The following MAPK10 variants were observed in gnomAD, a reference collection of about 807,000 sequenced individuals.
MAPK10 encodes JNK3 alpha protein kinase.
In MAPK10, 25 loss-of-function variants were observed where a neutral mutation model predicts 59.3. The observed-to-expected ratio is 0.42, with a 90% confidence interval of 0.31 to 0.59. The LOEUF (loss-of-function observed/expected upper bound fraction) is 0.59. Among genes scored for constraint, MAPK10 ranks in the 20% least tolerant of loss-of-function variants. The pLI is 0.15. For missense variants in MAPK10, 351 were observed against 568.9 expected (o/e 0.62, Z 3.90); for synonymous variants, 190 against 200.5 (o/e 0.95, Z 0.44).
chr4:86,390,253 A>G (rs1742023168), intron 1 of MAPK10, among the ~76,000 whole-genome samples: 1 of 152,232 alleles, frequency 6.6e-6, no homozygotes, highest in Non-Finnish European at 1.5e-5. Flanking sequence ...ATTCAATGGT[A>G]GAAAAGGAAG....
At chr4:86,400,445 CTCTCTT>C (rs1743554072) in intron 1 of MAPK10, among the ~76,000 whole-genome samples, 1 of 152,096 alleles carries the variant, frequency 6.6e-6, no homozygotes, top group African/African-American at 2.4e-5. Flanking sequence ...CTCCCTCTCT[CTCTCTT>C]TCTCTCTCTC....
intron 2 of MAPK10, among the ~76,000 whole-genome samples, chr4:86,283,588 A>C (rs2094897929): frequency 6.6e-6 from 1 of 152,218 alleles, no homozygotes; most frequent in African/African-American, 2.4e-5. Flanking sequence ...TGCCAATTTT[A>C]ACTTATTTTT....
At chr4:86,412,456 G>A (rs927690004) in intron 1 of MAPK10, among the ~76,000 whole-genome samples, 1 of 152,152 alleles carries the variant, frequency 6.6e-6, no homozygotes, top group African/African-American at 2.4e-5. Context: ...TGCCTTGCTA[G>A]GTTAGTGAAG....
At chr4:86,391,725 GT>G (rs1395040736) in intron 1 of MAPK10, among the ~76,000 whole-genome samples, 1 of 152,146 alleles carries the variant, frequency 6.6e-6, no homozygotes, top group East Asian at 1.9e-4. Flanking sequence ...GATATCACTT[GT>G]TAGCATGAGG....
chr4:86,178,794 T>C (rs2076249124), intron 3 of MAPK10, among the ~76,000 whole-genome samples: 1 of 152,182 alleles, frequency 6.6e-6, no homozygotes, highest in Non-Finnish European at 1.5e-5. Flanking sequence ...CTAAAGACTC[T>C]ACTAAAAAAC....
At position 86,276,763 on chromosome 4, in the gene MAPK10, T is replaced by C. The variant is rs117561707; in HGVS notation, c.-7+77767A>G. Among the ~76,000 whole-genome samples the C allele has an allele frequency of 5.3e-5, 8 of 152,278 alleles. No individual in the cohort carries two copies. The East Asian group carries it at 1.5e-3, about 29-fold the overall frequency. On this transcript the variant is annotated intron_variant, in intron 2 of 13. Coordinates refer to ENST00000641462, the MANE Select transcript of MAPK10 (RefSeq NM_138982.4). ...AATGCTGAGTGTCTGGTTCTATCAT[T>C]ATCTGGTTCTATCATTGTCTGGTTC...
At chr4:86,303,231 T>C (rs1340628749) in intron 2 of MAPK10, among the ~76,000 whole-genome samples, 1 of 152,192 alleles carries the variant, frequency 6.6e-6, no homozygotes, top group African/African-American at 2.4e-5. Flanking sequence ...CATGCTAAAT[T>C]ATATTTTTCC....
chr4:86,144,042 T>A (rs1417460348), intron 4 of MAPK10, among the ~76,000 whole-genome samples: 1 of 152,054 alleles, frequency 6.6e-6, no homozygotes, highest in East Asian at 1.9e-4. Flanking sequence ...ACAAGAGGAG[T>A]TAGCAGTATT....
intron 1 of MAPK10, among the ~76,000 whole-genome samples, chr4:86,460,831 G>A (rs1368932769): frequency 2.6e-5 from 4 of 152,214 alleles, no homozygotes; most frequent in African/African-American, 9.7e-5. Context: ...AATACTTTTA[G>A]TTAATCTATA....
intron 1 of MAPK10, among the ~76,000 whole-genome samples, chr4:86,408,193 T>A (rs912583411): frequency 1.3e-5 from 2 of 152,088 alleles, no homozygotes; most frequent in African/African-American, 4.8e-5. Context: ...GAATGGTGGT[T>A]TCCAGCTTCA....
At chr4:86,231,179 G>C (rs947723043) in intron 2 of MAPK10, among the ~76,000 whole-genome samples, 4 of 151,888 alleles carry the variant, frequency 2.6e-5, no homozygotes, top group African/African-American at 9.7e-5. Flanking sequence ...TATTTAAAAT[G>C]AGTTCTTTAT....
At chr4:86,550,445 T>TC (rs1471989550) in intron 1 of MAPK10, among the ~76,000 whole-genome samples, 1 of 127,492 alleles carries the variant, frequency 7.8e-6, no homozygotes, top group African/African-American at 3.1e-5. Flanking sequence ...ACGCCTGTAA[T>TC]CCCAGCACTT....
chr4:86,052,353 A>C (rs2043726118), intron 11 of MAPK10, among the ~76,000 whole-genome samples: 1 of 152,082 alleles, frequency 6.6e-6, no homozygotes, highest in African/African-American at 2.4e-5. Context: ...TCCACTGAAA[A>C]CTTTCTTTAC....
chr4:86,340,651 T>C (rs1481085974), intron 2 of MAPK10, among the ~76,000 whole-genome samples: 2 of 152,138 alleles, frequency 1.3e-5, no homozygotes, highest in African/African-American at 2.4e-5. Flanking sequence ...ATCTAGTATA[T>C]GGTTAAGGTA....
intron 1 of MAPK10, among the ~76,000 whole-genome samples, chr4:86,470,307 T>C (rs1752556558): frequency 6.6e-6 from 1 of 152,184 alleles, no homozygotes. Flanking sequence ...TTGATGTCAT[T>C]TGGAATTTCC....
intron 2 of MAPK10, among the ~76,000 whole-genome samples, chr4:86,251,934 G>A (rs1249640180): frequency 8.1e-6 from 1 of 123,180 alleles, no homozygotes; most frequent in Non-Finnish European, 1.6e-5. Flanking sequence ...CAGTGATGAT[G>A]AGCATTTTTT....
chr4:86,240,793 A>C (rs1288052960), intron 2 of MAPK10, among the ~76,000 whole-genome samples: 1 of 152,002 alleles, frequency 6.6e-6, no homozygotes, highest in Non-Finnish European at 1.5e-5. Flanking sequence ...TCCTCATCCA[A>C]TTTGCCAGTC....
chr4:86,193,160 C>A, intron 3 of MAPK10: 1 of 156,104 alleles, frequency 6.4e-6, no homozygotes, highest in Non-Finnish European at 1.4e-5. Context: ...TTCAGAGGGG[C>A]ACCTGCCAGA....
chr4:86,225,091 T>A (rs2148651550), intron 2 of MAPK10, among the ~76,000 whole-genome samples: 1 of 152,212 alleles, frequency 6.6e-6, no homozygotes, highest in Admixed American at 6.5e-5. Flanking sequence ...AATAGGTCAA[T>A]ATATTCGTTT....
Sources: gnomAD v4.1 joint callset for allele counts (sites outside exome capture counted in the v4.1 genomes callset) on GRCh38, gnomAD v4.1.1 for gene constraint, MANE v1.5 for transcripts, NCBI Gene and HGNC (gene_info 2026-07-23, HGNC 2026-07-21) for gene names.